The following LPIN1 variants were observed in gnomAD, a reference collection of about 807,000 sequenced individuals.
LPIN1 encodes the protein phosphatidate phosphatase LPIN1.
LPIN1 carries 71 observed loss-of-function variants against 107.5 expected under a neutral mutation model. The observed-to-expected ratio is 0.66, with a 90% confidence interval of 0.55 to 0.80. The LOEUF (loss-of-function observed/expected upper bound fraction) is 0.80, where lower values mean the gene tolerates loss of function less well. Among genes scored for constraint, LPIN1 ranks in the 30% least tolerant of loss-of-function variants. LPIN1 has a pLI of 0.00. For missense variants in LPIN1, 1,043 were observed against 1,160.6 expected, an observed-to-expected ratio of 0.90 and a Z score of 1.47; for synonymous variants, 445 against 452.6, an observed-to-expected ratio of 0.98 and a Z score of 0.21.
At chr2:11,742,576 C>G (rs1335741959), upstream of LPIN1, among the ~76,000 whole-genome samples, 1 of 152,210 alleles carries the variant, frequency 6.6e-6, no homozygotes, top group Non-Finnish European at 1.5e-5. Context: ...CCCACTGTAA[C>G]AGTCCACACT....
rs1682172604 is a variant in LPIN1, at chr2:11,824,892, C to T, written c.*101C>T. On this transcript the variant is annotated 3_prime_UTR_variant, in exon 21 of 21. Coordinates refer to ENST00000674199, the MANE Select transcript of LPIN1 (RefSeq NM_001349206.2). Reference sequence around the variant, plus strand: ...CACAGCTCCACCTGGGAGCCTGGCGCGTCATCATTGGCCTGACAGCAGAGA... The same window carrying T: ...CACAGCTCCACCTGGGAGCCTGGCGTGTCATCATTGGCCTGACAGCAGAGA... The T allele has an allele frequency of 6.6e-6, 9 of 1,353,622 alleles. No homozygotes were observed. Among genetic ancestry groups the T allele is most frequent in the Admixed American group, 3.5e-5 (2 of 56,792 alleles). The allele number at this position is 1,353,622 out of a possible 1,614,324, so 83.9% of individuals were successfully genotyped here. A position where few individuals can be genotyped will look rare whatever the true frequency, so the allele number is the denominator to read the frequency against.
intron 2 of LPIN1, among the ~76,000 whole-genome samples, chr2:11,718,717 C>G (rs79733175): frequency 0.016 from 2,411 of 152,198 alleles, 65 homozygotes; most frequent in African/African-American, 0.055. Flanking sequence ...TTATTTTTTC[C>G]TACTGGAAGC....
At chr2:11,787,749 G>C (rs1233819860) in intron 11 of LPIN1, among the ~76,000 whole-genome samples, 2 of 152,140 alleles carry the variant, frequency 1.3e-5, no homozygotes, top group Admixed American at 6.5e-5. Context: ...AGACCATCCT[G>C]GCTAACACGG....
intron 1 of LPIN1, among the ~76,000 whole-genome samples, chr2:11,738,298 T>C (rs2148554579): frequency 6.6e-6 from 1 of 151,414 alleles, no homozygotes; most frequent in East Asian, 2.0e-4. Context: ...GATGAGTTGA[T>C]GGGTGCAGCA....
intron 1 of LPIN1, among the ~76,000 whole-genome samples, chr2:11,688,537 C>G (rs1024614443): frequency 3.3e-5 from 5 of 152,160 alleles, no homozygotes; most frequent in Non-Finnish European, 1.5e-5. Flanking sequence ...AAAGTGCAGC[C>G]CTTCGCAGAA....
intron 1 of LPIN1, among the ~76,000 whole-genome samples, chr2:11,753,786 T>C (rs1231741371): frequency 6.6e-6 from 1 of 152,234 alleles, no homozygotes; most frequent in Admixed American, 6.5e-5. Flanking sequence ...TATAAATCAA[T>C]TTCATTTTCA....
At chr2:11,692,377 A>G (rs10180912) in intron 1 of LPIN1, among the ~76,000 whole-genome samples, 84,763 of 152,102 alleles carry the variant, frequency 0.56, 25,051 homozygotes, top group African/African-American at 0.77. Context: ...GGCGTCATCT[A>G]TAAAATGGGT....
intron 1 of LPIN1, among the ~76,000 whole-genome samples, chr2:11,734,356 T>C (rs964705276): frequency 6.6e-6 from 1 of 152,252 alleles, no homozygotes; most frequent in African/African-American, 2.4e-5. Flanking sequence ...TGGATGATAG[T>C]AATAATAACG....
rs569328174 is a variant in LPIN1, at chr2:11,680,010, T to C, written c.81+2282T>C. Among the ~76,000 whole-genome samples, 9 of 152,254 alleles carry C rather than the reference T, an allele frequency of 5.9e-5. No individual in the cohort carries two copies. The East Asian group carries it at 1.7e-3, about 29-fold the overall frequency. On this transcript the variant is annotated intron_variant, in intron 1 of 21. Coordinates refer to the LPIN1 transcript ENST00000449576. ...TGCTGGGGACTGAGTCTGGGACTAG[T>C]CCTTGGATGGCAGGGAGGGCTGGGC...
At chr2:11,694,415 C>G (rs58429439) in intron 1 of LPIN1, among the ~76,000 whole-genome samples, 3,375 of 152,316 alleles carry the variant, frequency 0.022, 132 homozygotes, top group African/African-American at 0.077. Context: ...GAGCTCAGCT[C>G]TGCTCCAGCA....
chr2:11,724,532 A>C, exon 1 of LPIN1: 1 of 985,732 alleles, frequency 1.0e-6, no homozygotes, highest in Non-Finnish European at 1.2e-6. Flanking sequence ...ATCCACCAGG[A>C]GACCCAGGTT....
chr2:11,730,123 C>T (rs988678382), intron 1 of LPIN1, among the ~76,000 whole-genome samples: 4 of 152,088 alleles, frequency 2.6e-5, no homozygotes, highest in Non-Finnish European at 5.9e-5. Context: ...ATGTTGACAT[C>T]GACCCACAGC....
intron 6 of LPIN1, chr2:11,777,577 CT>C (rs1231146243): frequency 1.3e-5 from 2 of 152,198 alleles, no homozygotes; most frequent in Non-Finnish European, 2.9e-5. Context: ...CTCTGTCAGA[CT>C]TTCCCGGGCA....
chr2:11,798,072 G>A (rs981017849), intron 14 of LPIN1, among the ~76,000 whole-genome samples: 4 of 152,080 alleles, frequency 2.6e-5, no homozygotes, highest in African/African-American at 4.8e-5. Context: ...GCATTTCTCC[G>A]GCTTGCACTC....
chr2:11,728,269 A>G (rs1445417713), intron 1 of LPIN1, among the ~76,000 whole-genome samples: 3 of 152,358 alleles, frequency 2.0e-5, no homozygotes, highest in South Asian at 4.1e-4. Context: ...TCCTGTAGAC[A>G]TTATACAGCT....
chr2:11,686,993 C>CTTTTT (rs141927239), intron 1 of LPIN1, among the ~76,000 whole-genome samples: 41 of 85,134 alleles, frequency 4.8e-4, no homozygotes, highest in South Asian at 1.4e-3. Context: ...GCTTTTGATC[C>CTTTTT]TTTTTTTTTT....
intron 12 of LPIN1, among the ~76,000 whole-genome samples, chr2:11,789,141 T>C (rs1207057840): frequency 2.0e-5 from 3 of 152,272 alleles, no homozygotes; most frequent in Admixed American, 1.3e-4. Context: ...CTTGTTTGTA[T>C]CCTTTGTGCG....
chr2:11,782,449 C>G lies in LPIN1; in HGVS notation c.1206C>G (p.Pro402=), dbSNP rs1553432458. 6.2e-7 allele frequency: 1 copy of G among 1,614,058 alleles called. No homozygotes were observed. The highest frequency in any genetic ancestry group is 8.5e-7 in the Non-Finnish European group (1 of 1,180,040). Residue 402 remains proline (P), a synonymous_variant, in exon 8 of 21, where the codon CCC becomes CCG. Transcript: ENST00000674199. Reference sequence around the variant, plus strand: ...TGCCCATGATCGAGGAGCTCAAACCCCCCTCTGCCAGTGTAGTCCAGACAG... The same window carrying G: ...TGCCCATGATCGAGGAGCTCAAACCGCCCTCTGCCAGTGTAGTCCAGACAG... The part of the protein sequence containing the change: ...PLLPMIEELK[P]PSASVVQTAN...
At chr2:11,787,587 A>G (rs905587616) in intron 11 of LPIN1, among the ~76,000 whole-genome samples, 2 of 151,700 alleles carry the variant, frequency 1.3e-5, no homozygotes, top group African/African-American at 4.8e-5. Flanking sequence ...TTGAATGTGA[A>G]TAGTCACACT....
Sources: allele counts gnomAD v4.1 joint callset (sites outside exome capture counted in the v4.1 genomes callset), GRCh38; gene constraint gnomAD v4.1.1; transcripts MANE v1.5; gene names NCBI Gene and HGNC (gene_info 2026-07-23, HGNC 2026-07-21).